Variants in RNF4 observed in about 807,000 individuals in gnomAD.
RNF4 encodes ring finger protein 4.
In RNF4, 7 loss-of-function variants were observed where a neutral mutation model predicts 24.3. The observed-to-expected ratio is 0.29, with a 90% CI of 0.16 to 0.54. RNF4 has a LOEUF of 0.54. Among genes scored for constraint, RNF4 ranks in the 20% least tolerant of loss-of-function variants. The pLI, the probability that RNF4 is intolerant of heterozygous loss-of-function variation, is 0.95. For missense variants in RNF4, 209 were observed against 248.5 expected (o/e 0.84, Z 1.07); for synonymous variants, 83 against 84.3 (o/e 0.98, Z 0.09).
chr4:2,515,798 C>T lies in RNF4; in HGVS notation c.*1979C>T, dbSNP rs529606411. ...TTAAACTATATCCATGGATATCAGT[C>T]TGCTTTGGACTCCTCTGCTAGTGTT... On this transcript the variant is annotated 3_prime_UTR_variant, in exon 8 of 8. Transcript: ENST00000314289. 1 of 152,726 alleles carries T rather than the reference C, an allele frequency of 6.5e-6. No individual in the cohort carries two copies. Among genetic ancestry groups the T allele is most frequent in the East Asian group, 1.9e-4 (1 of 5,188 alleles). 9.5% of individuals were successfully genotyped at this position (152,726 alleles called of 1,614,324 possible).
chr4:2,472,736 C>G (rs973257484), intron 1 of RNF4, among the ~76,000 whole-genome samples: 2 of 151,914 alleles, frequency 1.3e-5, no homozygotes, highest in African/African-American at 4.8e-5. Context: ...ATATACTATT[C>G]TAGATACCAT....
chr4:2,505,568 G>GT (rs1293900191), intron 4 of RNF4: 3 of 149,180 alleles, frequency 2.0e-5, no homozygotes, highest in Non-Finnish European at 4.5e-5. Context: ...CTCGTGATCC[G>GT]CCCGCCTCGG....
intron 4 of RNF4, among the ~76,000 whole-genome samples, chr4:2,509,470 G>A (rs548098847): frequency 1.2e-3 from 185 of 152,042 alleles, no homozygotes; most frequent in Admixed American, 3.1e-3. Flanking sequence ...CGCCCATCTC[G>A]GCCTCCCAAA....
chr4:2,489,571 C>T (rs1256906853), intron 1 of RNF4, among the ~76,000 whole-genome samples: 2 of 152,148 alleles, frequency 1.3e-5, no homozygotes, highest in Admixed American at 6.5e-5. Flanking sequence ...CTGATACAGG[C>T]TCATGCTTGA....
Position 2,514,189 on chromosome 4 carries a change from G to A in RNF4, c.*370G>A, listed in dbSNP as rs1350920942. ...CCGGGCACACCACCTTTTGTCCCAA[G>A]TGTCTGCCGGTCGACCAATCTGCCT... On this transcript the variant is annotated 3_prime_UTR_variant, in exon 8 of 8. Transcript: ENST00000314289. The A allele has an allele frequency of 2.9e-5, 7 of 239,584 alleles. No homozygotes were observed. Among genetic ancestry groups the A allele is most frequent in the Non-Finnish European group, 5.8e-5 (7 of 119,758 alleles). The allele number at this position is 239,584 out of a possible 1,614,324, so 14.8% of individuals were successfully genotyped here.
intron 4 of RNF4, among the ~76,000 whole-genome samples, chr4:2,507,964 C>G (rs1344909581): frequency 6.6e-6 from 1 of 152,158 alleles, no homozygotes; most frequent in Non-Finnish European, 1.5e-5. Context: ...AAGAGATCCT[C>G]CTGCCTCAGC....
At position 2,514,120 on chromosome 4, in the gene RNF4, T is replaced by G. The variant is rs1359002458; in HGVS notation, c.*301T>G. The stretch of plus-strand genomic sequence containing the variant: ...CAGTCTGGTTGCAGAATCTGCACAT[T>G]TGCCAAGAAATTTTCCCTGTTTGGA... On this transcript the variant is annotated 3_prime_UTR_variant, in exon 8 of 8. Coordinates refer to ENST00000314289, the MANE Select transcript of RNF4 (RefSeq NM_002938.5). 6.0e-6 allele frequency: 2 copies of G among 335,070 alleles called. No homozygotes were observed. The highest frequency in any genetic ancestry group is 1.1e-5 in the Non-Finnish European group (2 of 180,258). 20.8% of individuals were successfully genotyped at this position (335,070 alleles called of 1,614,324 possible).
intron 1 of RNF4, chr4:2,481,358 G>C (rs764117778): frequency 1.3e-5 from 2 of 152,092 alleles, no homozygotes; most frequent in Admixed American, 6.6e-5. Flanking sequence ...ACAAATGGTG[G>C]GTTTTTGCAT....
At chr4:2,485,071 T>A (rs1228544908) in intron 1 of RNF4, among the ~76,000 whole-genome samples, 3 of 151,916 alleles carry the variant, frequency 2.0e-5, no homozygotes, top group African/African-American at 7.3e-5. Flanking sequence ...CCCACCCACA[T>A]ACATTGTTTC....
chr4:2,509,330 G>A (rs1229773964), intron 4 of RNF4, among the ~76,000 whole-genome samples: 1 of 151,668 alleles, frequency 6.6e-6, no homozygotes, highest in Non-Finnish European at 1.5e-5. Flanking sequence ...TGATTCTCCT[G>A]CTTCAGCCTC....
chr4:2,484,354 A>C, intron 1 of RNF4, among the ~76,000 whole-genome samples: 1 of 151,896 alleles, frequency 6.6e-6, no homozygotes, highest in East Asian at 1.9e-4. Context: ...GGTATGAGAT[A>C]GGGTCATAGA....
intron 1 of RNF4, among the ~76,000 whole-genome samples, chr4:2,477,270 G>A (rs759237006): frequency 6.6e-6 from 1 of 152,102 alleles, no homozygotes; most frequent in South Asian, 2.1e-4. Flanking sequence ...CTGTTCTCAT[G>A]ATGGTGAATA....
intron 2 of RNF4, among the ~76,000 whole-genome samples, chr4:2,493,739 G>A (rs1189438937): frequency 9.0e-5 from 8 of 89,342 alleles, no homozygotes; most frequent in African/African-American, 3.9e-4. Flanking sequence ...GTGAGACTCC[G>A]TCTTAAAAAA....
chr4:2,511,079 G>T (rs879348466), intron 4 of RNF4, among the ~76,000 whole-genome samples: 2 of 152,230 alleles, frequency 1.3e-5, no homozygotes. Flanking sequence ...CATTGGTCGC[G>T]TCAGCTTGAG....
intron 1 of RNF4, among the ~76,000 whole-genome samples, chr4:2,488,105 TGC>T (rs1735467430): frequency 6.6e-6 from 1 of 152,196 alleles, no homozygotes; most frequent in Non-Finnish European, 1.5e-5. Flanking sequence ...GTTTGCTCAT[TGC>T]TGTATTCCCA....
chr4:2,484,075 C>CCG lies in RNF4; in HGVS notation c.-157-6262_-157-6261insCG, dbSNP rs1553877531. ...CTCCTGGCCTCAGGTGATCCCCCCC[C>CCG]GCCTCGGCCTCCCAAAGTGCTGGGA... is the stretch of plus-strand genomic sequence containing the variant. On this transcript the variant is annotated intron_variant, in intron 1 of 7. Transcript: ENST00000314289. 1.0e-4 allele frequency among the ~76,000 whole-genome samples: 6 copies of CCG among 57,182 alleles called. 2 individuals carry two copies. The South Asian group carries it at 3.2e-3, about 31-fold the overall frequency. The allele number at this position is 57,182 out of a possible 152,430, so 37.5% of individuals were successfully genotyped here.
At chr4:2,491,047 A>G (rs565572177) in intron 2 of RNF4, among the ~76,000 whole-genome samples, 1 of 152,170 alleles carries the variant, frequency 6.6e-6, no homozygotes, top group Non-Finnish European at 1.5e-5. Flanking sequence ...ACACCACTGC[A>G]TTTCGGCAGG....
chr4:2,515,708 G>A lies in RNF4; in HGVS notation c.*1889G>A, dbSNP rs1339538113. 6.6e-6 allele frequency: 1 copy of A among 152,608 alleles called. No homozygotes were observed. The highest frequency in any genetic ancestry group is 2.4e-5 in the African/African-American group (1 of 41,438). 9.5% of individuals were successfully genotyped at this position (152,608 alleles called of 1,614,324 possible). ...ATTCAGAAACTGCGAACTAGGGAAA[G>A]GTTGGTATGAAGAAATGTCTTTCCT... On this transcript the variant is annotated 3_prime_UTR_variant, in exon 8 of 8. Transcript: ENST00000314289.
chr4:2,513,912 C>A lies in RNF4; in HGVS notation c.*93C>A. 1 of 1,539,094 alleles carries A rather than the reference C, an allele frequency of 6.5e-7. No homozygotes were observed. Among genetic ancestry groups the A allele is most frequent in the Non-Finnish European group, 8.9e-7 (1 of 1,124,554 alleles). Reference sequence around the variant, plus strand: ...CTCCATTTTCCTGAGATCAAAAAGACTGTTTCGAAACCAACATCTGATATG... The same window carrying A: ...CTCCATTTTCCTGAGATCAAAAAGAATGTTTCGAAACCAACATCTGATATG... On this transcript the variant is annotated 3_prime_UTR_variant, in exon 8 of 8. Transcript: ENST00000314289.
Sources: gnomAD v4.1 joint callset for allele counts (sites outside exome capture counted in the v4.1 genomes callset) on GRCh38, gnomAD v4.1.1 for gene constraint, MANE v1.5 for transcripts, NCBI Gene and HGNC (gene_info 2026-07-23, HGNC 2026-07-21) for gene names.